PIGU: variants seen among roughly 807,000 people sequenced by gnomAD.
PIGU encodes the protein phosphatidylinositol glycan anchor biosynthesis class U, also known as GPI-anchor transamidase component PIGU.
PIGU carries 24 observed loss-of-function variants against 49.9 expected under a neutral mutation model. The observed-to-expected ratio is 0.48, with a 90% CI of 0.35 to 0.68. The LOEUF (loss-of-function observed/expected upper bound fraction) is 0.68, where lower values mean the gene tolerates loss of function less well. Ranked by LOEUF, PIGU falls within the 30% of genes least tolerant of loss-of-function variation. The pLI, the probability that PIGU is intolerant of heterozygous loss-of-function variation, is 0.01. For synonymous variants in PIGU, 220 were observed against 205.7 expected (o/e 1.07, Z -0.59); for missense variants, 490 against 532.6 (o/e 0.92, Z 0.79).
rs148930865 is a variant in PIGU at position 34,589,688 on chromosome 20, G to A, written c.628-1081C>T. Among the ~76,000 whole-genome samples, 63 of 111,278 alleles carry A rather than the reference G, an allele frequency of 5.7e-4. 1 individual carries two copies. The East Asian group carries it at 7.3e-3, about 13-fold the overall frequency. 73.0% of individuals were successfully genotyped at this position (111,278 alleles called of 152,430 possible). ...TTTTTTTTTTTTGAAACAGAGTTTCGCTCGTTGCCCTGGCTGGAGTGCTAC... is the reference window on the plus strand; with the variant it reads ...TTTTTTTTTTTTGAAACAGAGTTTCACTCGTTGCCCTGGCTGGAGTGCTAC... On this transcript the variant is annotated intron_variant, in intron 7 of 11. Coordinates refer to ENST00000217446, the MANE Select transcript of PIGU (RefSeq NM_080476.5).
chr20:34,606,525 T>C (rs1984621619), intron 7 of PIGU, among the ~76,000 whole-genome samples: 1 of 152,184 alleles, frequency 6.6e-6, no homozygotes, highest in Admixed American at 6.5e-5. Context: ...ACTGCTTCCT[T>C]GTGGTGTCAT....
chr20:34,621,416 T>G (rs568958620), intron 6 of PIGU, among the ~76,000 whole-genome samples: 2 of 152,260 alleles, frequency 1.3e-5, no homozygotes, highest in South Asian at 4.1e-4. Flanking sequence ...GGCAGAGGGC[T>G]GGCACAGAGA....
rs1983269773 is a variant in PIGU, at chr20:34,577,165, CT to C, written c.1052-1920del. 1.3e-5 allele frequency among the ~76,000 whole-genome samples: 2 copies of C among 152,016 alleles called. 1 individual carries two copies. Among genetic ancestry groups the C allele is most frequent in the South Asian group, 4.2e-4 (2 of 4,808 alleles). On this transcript the variant is annotated intron_variant, in intron 10 of 11. Transcript: ENST00000217446. ...TCATTTAAAATAATTAAAAGAATAC[CT>C]TTTTAAAAAGAACTTAGCACTGTGC...
At chr20:34,641,415 A>T (rs1986157496) in intron 4 of PIGU, among the ~76,000 whole-genome samples, 1 of 152,206 alleles carries the variant, frequency 6.6e-6, no homozygotes, top group South Asian at 2.1e-4. Context: ...ACAGGTTTTT[A>T]TCATCCATTA....
At chr20:34,570,527 ACCTC>A in intron 11 of PIGU, among the ~76,000 whole-genome samples, 1 of 151,456 alleles carries the variant, frequency 6.6e-6, no homozygotes, top group African/African-American at 2.4e-5. Context: ...CAATTCTTCT[ACCTC>A]AGCCTCCCGA....
chr20:34,648,611 C>T (rs1347732764), intron 2 of PIGU, among the ~76,000 whole-genome samples: 1 of 152,062 alleles, frequency 6.6e-6, no homozygotes, highest in Non-Finnish European at 1.5e-5. Context: ...TGCAGTGGCA[C>T]GATCATGACT....
chr20:34,645,386 A>G, intron 2 of PIGU, 52 bp from the exon 3 acceptor site: 2 of 1,515,830 alleles, frequency 1.3e-6, no homozygotes, highest in South Asian at 2.7e-5. Context: ...CCTTACTATT[A>G]TCAGTTTCCA....
chr20:34,607,005 C>T (rs955195649), intron 7 of PIGU, among the ~76,000 whole-genome samples: 3 of 152,204 alleles, frequency 2.0e-5, no homozygotes, highest in Admixed American at 6.5e-5. Flanking sequence ...GTGATCCACC[C>T]GCCTCGGCCT....
chr20:34,575,213 A>G lies in PIGU; in HGVS notation c.1085T>C (p.Ile362Thr). 6.2e-7 allele frequency: 1 copy of G among 1,614,180 alleles called. No homozygotes were observed. The highest frequency in any genetic ancestry group is 8.5e-7 in the Non-Finnish European group (1 of 1,180,008). Residue 362 changes from isoleucine to threonine, a missense_variant, in exon 11 of 12, where the codon ATC becomes ACC. Ile to Thr is a moderately conservative substitution (Grantham distance 89, BLOSUM62 -1). Coordinates refer to ENST00000217446, the MANE Select transcript of PIGU (RefSeq NM_080476.5). ...LRNIFVLTCIIIVCSLLFPVL... is the reference protein window; with the variant it reads ...LRNIFVLTCITIVCSLLFPVL... ...AGGGAAGAGCAGGGAACAGACGATGATGATGCAGGTGAGGACAAAGATGTT... is the reference window on the plus strand; with the variant it reads ...AGGGAAGAGCAGGGAACAGACGATGGTGATGCAGGTGAGGACAAAGATGTT...
At chr20:34,613,169 G>A (rs1183696873) in intron 7 of PIGU, among the ~76,000 whole-genome samples, 1 of 151,932 alleles carries the variant, frequency 6.6e-6, no homozygotes, top group African/African-American at 2.4e-5. Context: ...ACACTGGTTT[G>A]GGCCCCCAGT....
At chr20:34,656,764 A>T (rs1448617084) in intron 2 of PIGU, among the ~76,000 whole-genome samples, 1 of 48,972 alleles carries the variant, frequency 2.0e-5, no homozygotes, top group East Asian at 6.1e-4. Context: ...AGACCCTGCC[A>T]AAAAAAAAAA....
intron 1 of PIGU, among the ~76,000 whole-genome samples, chr20:34,661,824 T>C (rs1986936158): frequency 6.6e-6 from 1 of 152,186 alleles, no homozygotes; most frequent in South Asian, 2.1e-4. Context: ...TTAATTTATA[T>C]TCCCACCAGT....
chr20:34,626,889 T>C (rs1985512560), intron 6 of PIGU, among the ~76,000 whole-genome samples: 1 of 152,050 alleles, frequency 6.6e-6, no homozygotes, highest in Non-Finnish European at 1.5e-5. Flanking sequence ...TTTTTTAGGA[T>C]AAAAAGTAAA....
intron 11 of PIGU, among the ~76,000 whole-genome samples, chr20:34,563,286 G>A (rs529815393): frequency 1.3e-5 from 2 of 152,250 alleles, no homozygotes; most frequent in African/African-American, 4.8e-5. Flanking sequence ...ATAAAACTTC[G>A]GCGAGGTGCG....
intron 1 of PIGU, among the ~76,000 whole-genome samples, chr20:34,674,786 T>C (rs1568671467): frequency 1.3e-5 from 2 of 150,942 alleles, no homozygotes; most frequent in Non-Finnish European, 3.0e-5. Context: ...AAAATAATAA[T>C]AATAACAAGT....
chr20:34,641,315 C>T (rs1210489843), intron 4 of PIGU, among the ~76,000 whole-genome samples: 1 of 152,160 alleles, frequency 6.6e-6, no homozygotes, highest in African/African-American at 2.4e-5. Context: ...CACCCCTGTC[C>T]CTACTCCTCT....
chr20:34,638,602 C>T (rs1986044830), intron 4 of PIGU, among the ~76,000 whole-genome samples: 1 of 152,168 alleles, frequency 6.6e-6, no homozygotes. Flanking sequence ...AAGTTCCATC[C>T]ATGAAGAAGT....
At chr20:34,587,857 C>T (rs185663248) in intron 8 of PIGU, among the ~76,000 whole-genome samples, 4 of 152,266 alleles carry the variant, frequency 2.6e-5, no homozygotes, top group Admixed American at 2.6e-4. Context: ...TAGTATTCCC[C>T]TGTGTATATA....
intron 7 of PIGU, among the ~76,000 whole-genome samples, chr20:34,590,572 G>GTAACATAACA (rs1472411715): frequency 1.7e-5 from 2 of 120,920 alleles, no homozygotes; most frequent in African/African-American, 6.8e-5. Flanking sequence ...ATAAAATAGC[G>GTAACATAACA]TAACGTAACA....
Sources: gnomAD v4.1 joint callset for allele counts (sites outside exome capture counted in the v4.1 genomes callset) on GRCh38, gnomAD v4.1.1 for gene constraint, MANE v1.5 for transcripts, NCBI Gene and HGNC (gene_info 2026-07-23, HGNC 2026-07-21) for gene names.